Variants in GABRB3 observed in about 807,000 individuals in gnomAD.
GABRB3 encodes the protein gamma-aminobutyric acid receptor subunit beta-3.
GABRB3 carries 14 observed loss-of-function variants against 52.1 expected under a neutral mutation model. That is an observed-to-expected ratio of 0.27 (90% CI 0.18 to 0.42). The LOEUF (loss-of-function observed/expected upper bound fraction) is 0.42, where lower values mean the gene tolerates loss of function less well. GABRB3 is among the 10% of genes least tolerant of loss of function. GABRB3 has a pLI of 1.00. For missense variants in GABRB3, 307 were observed against 609.1 expected (o/e 0.50, Z 5.22); for synonymous variants, 260 against 232.3 (o/e 1.12, Z -1.08).
intron 3 of GABRB3, among the ~76,000 whole-genome samples, chr15:26,720,701 C>A (rs1323843001): frequency 6.6e-6 from 1 of 152,134 alleles, no homozygotes; most frequent in South Asian, 2.1e-4. Flanking sequence ...ATGTATAGGG[C>A]CTTCACACAT....
In GABRB3 at chr15:26,768,292, C is replaced by T. The variant is rs540886562; in HGVS notation, c.240+4110G>A. On this transcript the variant is annotated intron_variant, in intron 3 of 8. Transcript: ENST00000311550. The stretch of plus-strand genomic sequence containing the variant: ...TAATAGCGAAGTGCAAGTTAAATCA[C>T]AGGAATTATCATTACTATCACTAGA... Among the ~76,000 whole-genome samples the T allele has an allele frequency of 2.6e-5, 4 of 152,210 alleles. No individual in the cohort carries two copies. In the South Asian group the frequency reaches 8.3e-4, roughly 32 times the overall value.
chr15:26,746,804 G>A (rs1049035035), intron 3 of GABRB3, among the ~76,000 whole-genome samples: 2 of 151,970 alleles, frequency 1.3e-5, no homozygotes, highest in Admixed American at 6.6e-5. Flanking sequence ...TGGCTAACAC[G>A]GTGAAACCCC....
chr15:26,675,290 G>T (rs1288678276), intron 3 of GABRB3, among the ~76,000 whole-genome samples: 3 of 152,212 alleles, frequency 2.0e-5, no homozygotes, highest in African/African-American at 7.2e-5. Context: ...CTACTGAAGA[G>T]TGGAGCACTG....
chr15:26,598,142 A>C (rs2140773777), intron 4 of GABRB3, among the ~76,000 whole-genome samples: 1 of 152,328 alleles, frequency 6.6e-6, no homozygotes, highest in South Asian at 2.1e-4. Context: ...AAGGTAGAGA[A>C]ATTTTACACC....
In GABRB3 at chr15:26,578,410, G is replaced by A. The variant is rs115140673; in HGVS notation, c.682+1909C>T. Among the ~76,000 whole-genome samples the A allele has an allele frequency of 5.1e-3, 783 of 152,298 alleles. 4 individuals carry two copies. Among genetic ancestry groups the A allele is most frequent in the Middle Eastern group, 0.024 (7 of 294 alleles). On this transcript the variant is annotated intron_variant, in intron 6 of 8. Coordinates refer to ENST00000311550, the MANE Select transcript of GABRB3 (RefSeq NM_000814.6). ...ATACTGCATTCTGGTAGCCCCATGG[G>A]TCTGTGAATAGTTTAAGTGTTCTGC...
At chr15:26,548,222 C>A (rs1889332866) in intron 8 of GABRB3, 88 bp from the exon 9 acceptor site, 1 of 999,514 alleles carries the variant, frequency 1.0e-6, no homozygotes, top group Non-Finnish European at 1.6e-6. Flanking sequence ...CATGCCATCA[C>A]ATGTTGCATG....
chr15:26,760,222 G>T (rs142727785), intron 3 of GABRB3, among the ~76,000 whole-genome samples: 1 of 152,156 alleles, frequency 6.6e-6, no homozygotes. Context: ...ATGACAAGAA[G>T]CTGTGGTCTG....
intron 3 of GABRB3, among the ~76,000 whole-genome samples, chr15:26,641,601 G>T (rs1893201997): frequency 6.6e-6 from 1 of 152,200 alleles, no homozygotes; most frequent in Admixed American, 6.5e-5. Context: ...CTTTGGACCT[G>T]ACAGGTAGAT....
chr15:26,579,922 A>C (rs1252867256), intron 6 of GABRB3, among the ~76,000 whole-genome samples: 2 of 152,170 alleles, frequency 1.3e-5, no homozygotes, highest in Non-Finnish European at 2.9e-5. Context: ...CCAGTGGAGC[A>C]AAGGCAGCTT....
chr15:26,772,144 G>A (rs1353871610), intron 3 of GABRB3: 1 of 401,820 alleles, frequency 2.5e-6, no homozygotes. Context: ...CGGCAGATGG[G>A]AGCACTAGGC....
At chr15:26,609,793 TA>T (rs949417706) in intron 4 of GABRB3, among the ~76,000 whole-genome samples, 2 of 152,270 alleles carry the variant, frequency 1.3e-5, no homozygotes, top group East Asian at 3.9e-4. Flanking sequence ...GTGCTTACCA[TA>T]AAAAAAGTTT....
rs1220761805 is a variant in GABRB3, at chr15:26,548,103, G to A, written c.1112C>T (p.Ser371Leu). 5.0e-6 allele frequency: 8 copies of A among 1,614,114 alleles called. No individual in the cohort carries two copies. Among genetic ancestry groups the A allele is most frequent in the African/African-American group, 2.7e-5 (2 of 75,032 alleles). ...ATTCATTTCATTGTGAACTTCCAGC[G>A]ATGTCAACAGAATATTTCCATGAGC... ...VDAHGNILLT[S>L]LEVHNEMNEV... Residue 371 changes from serine (S) to leucine (L), a missense_variant, in exon 9 of 9, where the codon TCG becomes TTG. Ser to Leu is a moderately radical substitution (Grantham distance 145). Coordinates refer to ENST00000311550, the MANE Select transcript of GABRB3 (RefSeq NM_000814.6).
intron 3 of GABRB3, chr15:26,642,364 T>C (rs933009416): frequency 1.7e-6 from 1 of 603,882 alleles, no homozygotes; most frequent in Non-Finnish European, 2.6e-6. Context: ...CTTGGAGGTA[T>C]GGGGGTGGTC....
At chr15:26,753,467 A>G (rs1890572708) in intron 3 of GABRB3, among the ~76,000 whole-genome samples, 1 of 152,198 alleles carries the variant, frequency 6.6e-6, no homozygotes, top group Non-Finnish European at 1.5e-5. Flanking sequence ...ATAATTACAT[A>G]TTGGAGAAAG....
At chr15:26,709,515 C>CTTTTTTTTTT (rs57044167) in intron 3 of GABRB3, among the ~76,000 whole-genome samples, 56 of 92,004 alleles carry the variant, frequency 6.1e-4, no homozygotes, top group Non-Finnish European at 8.6e-4. Context: ...TTTTTTCTTT[C>CTTTTTTTTTT]TTTTTTTTTT....
At chr15:26,768,855 T>A (rs1360757657) in intron 3 of GABRB3, among the ~76,000 whole-genome samples, 2 of 151,716 alleles carry the variant, frequency 1.3e-5, no homozygotes, top group African/African-American at 2.4e-5. Flanking sequence ...TAGAAAAAAA[T>A]TGGAAATGCA....
At chr15:26,600,059 A>G (rs1566767058) in intron 4 of GABRB3, among the ~76,000 whole-genome samples, 1 of 152,088 alleles carries the variant, frequency 6.6e-6, no homozygotes, top group Non-Finnish European at 1.5e-5. Flanking sequence ...AGAACCAGAT[A>G]CAAATCTGTA....
chr15:26,740,318 A>G (rs971242282), intron 3 of GABRB3, among the ~76,000 whole-genome samples: 1 of 152,146 alleles, frequency 6.6e-6, no homozygotes, highest in Admixed American at 6.5e-5. Flanking sequence ...CAGGGGCCCA[A>G]TGGGGTAGAA....
intron 3 of GABRB3, among the ~76,000 whole-genome samples, chr15:26,653,125 T>C (rs1220503079): frequency 1.3e-5 from 2 of 152,156 alleles, no homozygotes; most frequent in Non-Finnish European, 2.9e-5. Flanking sequence ...GTTTATAGTT[T>C]AACTTTAAAA....
Sources: gnomAD v4.1 joint callset for allele counts (sites outside exome capture counted in the v4.1 genomes callset) on GRCh38, gnomAD v4.1.1 for gene constraint, MANE v1.5 for transcripts, NCBI Gene and HGNC (gene_info 2026-07-23, HGNC 2026-07-21) for gene names.